Variants in RABGEF1 observed in about 807,000 individuals in gnomAD.
The protein encoded by RABGEF1 is RAB guanine nucleotide exchange factor 1.
In RABGEF1, 26 loss-of-function variants were observed where a neutral mutation model predicts 57.3. The observed-to-expected ratio is 0.45, with a 90% CI of 0.33 to 0.63. The LOEUF (loss-of-function observed/expected upper bound fraction) is 0.63. Ranked by LOEUF, RABGEF1 falls within the 20% of genes least tolerant of loss-of-function variation. RABGEF1 has a pLI of 0.02. For missense variants in RABGEF1, 464 were observed against 607.6 expected (o/e 0.76, Z 2.48); for synonymous variants, 185 against 210.7 (o/e 0.88, Z 1.06).
chr7:66,711,002 T>C (rs1794701213), intron 1 of RABGEF1, among the ~76,000 whole-genome samples: 1 of 151,430 alleles, frequency 6.6e-6, no homozygotes. Context: ...ATAAAGGAAA[T>C]AAAAAAACTT....
intron 1 of RABGEF1, among the ~76,000 whole-genome samples, chr7:66,689,045 AT>A (rs1791133934): frequency 6.6e-6 from 1 of 152,156 alleles, no homozygotes; most frequent in South Asian, 2.1e-4. Context: ...GTGAGCCGAG[AT>A]TGCACCACTG....
intron 2 of RABGEF1, among the ~76,000 whole-genome samples, chr7:66,720,262 A>C (rs963097255): frequency 6.8e-6 from 1 of 147,854 alleles, no homozygotes; most frequent in African/African-American, 2.5e-5. Flanking sequence ...CAGTGGCGCG[A>C]TCTCGGCTCA....
intron 1 of RABGEF1, among the ~76,000 whole-genome samples, chr7:66,742,109 C>A (rs1199167188): frequency 1.3e-5 from 2 of 151,928 alleles, no homozygotes; most frequent in Non-Finnish European, 2.9e-5. Flanking sequence ...CGAAATCGTG[C>A]CACTGCACTC....
chr7:66,808,955 C>T lies in RABGEF1; in HGVS notation c.1147C>T (p.Arg383Cys), dbSNP rs777685946. The stretch of plus-strand genomic sequence containing the variant: ...GAATCTAAGTCAGGAGGATTTTGAT[C>T]GCTACATGTCTGGCCAGACCTCTCC... ...SLNLSQEDFD[R>C]YMSGQTSPRK... Residue 383 changes from arginine to cysteine, a missense_variant, in exon 9 of 9, where the codon CGC becomes TGC. Transcript: ENST00000284957. 67 of 1,613,456 alleles carry T rather than the reference C, an allele frequency of 4.2e-5. No homozygotes were observed. Among genetic ancestry groups the T allele is most frequent in the Admixed American group, 2.7e-4 (16 of 59,956 alleles).
chr7:66,661,471 C>CG, the RABGEF1 span, among the ~76,000 whole-genome samples: 1 of 150,950 alleles, frequency 6.6e-6, no homozygotes, highest in African/African-American at 2.4e-5. Context: ...GAAAAAATAT[C>CG]GGCAAACCAG....
chr7:66,680,570 C>T (rs1227713262), upstream of RABGEF1, among the ~76,000 whole-genome samples: 1 of 149,254 alleles, frequency 6.7e-6, no homozygotes, highest in Non-Finnish European at 1.5e-5. Context: ...CTCTGTTGTA[C>T]CCTCAGCCTA....
chr7:66,727,974 C>A (rs1356320506), intron 2 of RABGEF1, among the ~76,000 whole-genome samples: 3 of 152,182 alleles, frequency 2.0e-5, no homozygotes, highest in African/African-American at 7.2e-5. Context: ...ACCTCATCCT[C>A]CCCTCTCCTG....
chr7:66,765,519 C>T lies in RABGEF1; in HGVS notation c.-17-6364C>T, dbSNP rs529665846. 2.6e-5 allele frequency among the ~76,000 whole-genome samples: 4 copies of T among 152,194 alleles called. No individual in the cohort carries two copies. In the East Asian group the frequency reaches 7.7e-4, roughly 29 times the overall value. ...AGTTAGGGGACCAGGGTGTATGACT[C>T]AGAATCTGAGGATGGGCGTGCACGT... On this transcript the variant is annotated intron_variant, in intron 1 of 8. Transcript: ENST00000284957.
chr7:66,671,308 T>C, the RABGEF1 span, among the ~76,000 whole-genome samples: 7 of 152,162 alleles, frequency 4.6e-5, no homozygotes, highest in African/African-American at 1.7e-4. Context: ...GCCTCCTGAA[T>C]AGCTGGGACT....
At chr7:66,741,968 C>G (rs546779564) in intron 1 of RABGEF1, among the ~76,000 whole-genome samples, 5 of 146,276 alleles carry the variant, frequency 3.4e-5, no homozygotes, top group Non-Finnish European at 6.0e-5. Context: ...AACCCCGTCT[C>G]TACTACAAAT....
intron 2 of RABGEF1, among the ~76,000 whole-genome samples, chr7:66,719,298 CTG>C (rs1362747383): frequency 1.3e-5 from 2 of 152,186 alleles, no homozygotes; most frequent in Non-Finnish European, 2.9e-5. Flanking sequence ...CTCCTTCTGT[CTG>C]TACCTGGTTT....
upstream of RABGEF1, among the ~76,000 whole-genome samples, chr7:66,678,393 G>A (rs1262059151): frequency 1.3e-5 from 2 of 151,638 alleles, no homozygotes; most frequent in Non-Finnish European, 2.9e-5. Context: ...GTGAAACCCT[G>A]TTTCTACTAA....
chr7:66,799,227 G>A (rs1786731606), intron 6 of RABGEF1, 96 bp from the exon 7 acceptor site: 1 of 923,252 alleles, frequency 1.1e-6, no homozygotes, highest in South Asian at 1.5e-5. Flanking sequence ...TGAGTGGTCA[G>A]TGATGCCTCA....
At position 66,805,245 on chromosome 7, in the gene RABGEF1, C is replaced by T. The variant is rs13309557; in HGVS notation, c.926C>T (p.Pro309Leu). ...FNAIKITKNE[P>L]ASADDFLPTL... ...GCCATCAAGATCACCAAGAATGAGC[C>T]GGCGTCAGCGGATGACTTCCTCCCC... Residue 309 changes from proline to leucine, a missense_variant, in exon 8 of 9, where the codon CCG (proline) becomes CTG (leucine). This residue lies in a region of RABGEF1 where 284 missense variants were observed against 389.9 expected (regional missense o/e 0.73). Coordinates refer to ENST00000284957, the MANE Select transcript of RABGEF1 (RefSeq NM_014504.3). The T allele has an allele frequency of 1.2e-6, 2 of 1,614,182 alleles. No individual in the cohort carries two copies. Among genetic ancestry groups the T allele is most frequent in the Non-Finnish European group, 1.7e-6 (2 of 1,180,040 alleles).
At chr7:66,727,397 A>G (rs187030546) in intron 2 of RABGEF1, among the ~76,000 whole-genome samples, 5 of 152,208 alleles carry the variant, frequency 3.3e-5, no homozygotes, top group Admixed American at 1.3e-4. Flanking sequence ...ACCCCATCCC[A>G]TGGCATTGCC....
chr7:66,779,567 G>A (rs1809363181), intron 3 of RABGEF1, among the ~76,000 whole-genome samples: 1 of 151,854 alleles, frequency 6.6e-6, no homozygotes, highest in Admixed American at 6.6e-5. Flanking sequence ...AACTACTTGG[G>A]AGGCTGAGAT....
chr7:66,795,577 C>G lies in RABGEF1; in HGVS notation c.580C>G (p.Gln194Glu), dbSNP rs781399666. Residue 194 changes from glutamine to glutamate, a missense_variant, in exon 5 of 9, where the codon CAA becomes GAA. Gln to Glu is a conservative substitution (Grantham distance 29, BLOSUM62 2). Around this residue, in one of 4 missense-constraint regions of RABGEF1, gnomAD observed 284 missense variants for 389.9 expected, o/e 0.73. Transcript: ENST00000284957. ...CTACCACAATGTGGCCGAAAGGATGCAAACTCGTGGGAAAGGTAACACTGT... is the reference window on the plus strand; with the variant it reads ...CTACCACAATGTGGCCGAAAGGATGGAAACTCGTGGGAAAGGTAACACTGT... ...DFYHNVAERM[Q>E]TRGKVPPERV... The G allele has an allele frequency of 3.1e-5, 50 of 1,608,196 alleles. 1 individual carries two copies. The South Asian group carries it at 5.4e-4, about 17-fold the overall frequency.
chr7:66,752,415 A>C (rs1374654449), intron 1 of RABGEF1, among the ~76,000 whole-genome samples: 1 of 151,950 alleles, frequency 6.6e-6, no homozygotes, highest in African/African-American at 2.4e-5. Context: ...AATCACTTGA[A>C]ACCAGAAGGT....
intron 2 of RABGEF1, among the ~76,000 whole-genome samples, chr7:66,723,754 A>G (rs1325504417): frequency 7.4e-6 from 1 of 135,836 alleles, no homozygotes; most frequent in East Asian, 2.5e-4. Context: ...CCACTTTTGT[A>G]TTTTTAGTAG....
Sources: gnomAD v4.1 joint callset for allele counts (sites outside exome capture counted in the v4.1 genomes callset) on GRCh38, gnomAD v4.1.1 for gene constraint, gnomAD v4.1.1 regional missense constraint, MANE v1.5 for transcripts, NCBI Gene and HGNC (gene_info 2026-07-23, HGNC 2026-07-21) for gene names.